The following CHD2 variants were observed in gnomAD, a reference collection of about 807,000 sequenced individuals.
The protein encoded by CHD2 is ATP-dependent chromatin remodeler CHD2.
A neutral mutation model predicts 243.9 loss-of-function variants in CHD2; 28 were observed. That is an observed-to-expected ratio of 0.11 (90% CI 0.09 to 0.16). The LOEUF (loss-of-function observed/expected upper bound fraction) is 0.16. Ranked by LOEUF, CHD2 falls within the 10% of genes least tolerant of loss-of-function variation. The pLI is 1.00. For synonymous variants in CHD2, 775 were observed against 779.0 expected (o/e 0.99, Z 0.09); for missense variants, 1,386 against 2,209.8 (o/e 0.63, Z 7.47).
chr15:92,959,832 T>C (rs4778062), intron 16 of CHD2, among the ~76,000 whole-genome samples: 34,563 of 152,214 alleles, frequency 0.23, 4,407 homozygotes, highest in Middle Eastern at 0.32. Flanking sequence ...AGTTCCATTT[T>C]CTTCTTTTTC....
At chr15:92,913,008 C>G (rs1050026287) in intron 2 of CHD2, among the ~76,000 whole-genome samples, 1 of 152,202 alleles carries the variant, frequency 6.6e-6, no homozygotes, top group African/African-American at 2.4e-5. Context: ...AAGTCTGTTC[C>G]CTCTGAATCT....
chr15:92,974,065 G>T (rs1290811885), intron 19 of CHD2: 1 of 152,212 alleles, frequency 6.6e-6, no homozygotes, highest in Non-Finnish European at 1.5e-5. Flanking sequence ...TCTGTAAAAT[G>T]AAGTATTTTG....
intron 37 of CHD2, among the ~76,000 whole-genome samples, chr15:93,015,827 A>G (rs2054452992): frequency 6.6e-6 from 1 of 152,242 alleles, no homozygotes; most frequent in Admixed American, 6.5e-5. Context: ...CACACTTGTT[A>G]GGATGGCTAG....
intron 7 of CHD2, among the ~76,000 whole-genome samples, chr15:92,940,820 T>A (rs1011503982): frequency 1.6e-3 from 222 of 140,868 alleles, no homozygotes; most frequent in African/African-American, 5.4e-3. Flanking sequence ...TAAATATATA[T>A]AAATATTATA....
chr15:93,012,557 G>T, intron 36 of CHD2, 113 bp downstream of exon 36: 1 of 647,490 alleles, frequency 1.5e-6, no homozygotes, highest in Admixed American at 3.5e-5. Context: ...GGTTATTGCT[G>T]GTGCTAATAG....
At chr15:92,923,973 G>C (rs751790270) in intron 2 of CHD2, among the ~76,000 whole-genome samples, 1 of 152,086 alleles carries the variant, frequency 6.6e-6, no homozygotes, top group African/African-American at 2.4e-5. Context: ...AAATCTTACT[G>C]TGTTAACTAG....
At chr15:93,008,020 G>C (rs1180400923) in intron 34 of CHD2, among the ~76,000 whole-genome samples, 1 of 152,224 alleles carries the variant, frequency 6.6e-6, no homozygotes, top group African/African-American at 2.4e-5. Context: ...TGAGCATGTG[G>C]GTGGTGGGGC....
intron 2 of CHD2, among the ~76,000 whole-genome samples, chr15:92,914,228 TTAA>T (rs1232839791): frequency 1.3e-5 from 2 of 152,240 alleles, no homozygotes; most frequent in East Asian, 3.8e-4. Context: ...TATTCTTTTG[TTAA>T]TGAATTCTGG....
rs184845905 is a variant in CHD2 at position 92,918,361 on chromosome 15, G to T, written c.63-5960G>T. On this transcript the variant is annotated intron_variant, in intron 2 of 38. Transcript: ENST00000394196. ...AGTTTTGACTTGTTTTTTTATCTGT[G>T]TGTTGTATTTTCCTTTTAATTATTT... 9.9e-5 allele frequency among the ~76,000 whole-genome samples: 15 copies of T among 152,150 alleles called. 1 individual carries two copies. Among genetic ancestry groups the T allele is most frequent in the Admixed American group, 5.2e-4 (8 of 15,294 alleles).
At chr15:92,916,017 T>C (rs374817497) in intron 2 of CHD2, among the ~76,000 whole-genome samples, 2 of 67,408 alleles carry the variant, frequency 3.0e-5, no homozygotes, top group Non-Finnish European at 6.4e-5. Context: ...CTCTACTCTC[T>C]TCTCACATGG....
At chr15:92,901,670 A>G (rs2052530399) in intron 2 of CHD2, 2 of 368,120 alleles carry the variant, frequency 5.4e-6, no homozygotes, top group Non-Finnish European at 4.8e-6. Flanking sequence ...TTTTACATAC[A>G]AGGCAAATTT....
At position 92,948,856 on chromosome 15, in the gene CHD2, T is replaced by G. The variant is rs80212944; in HGVS notation, c.1378-96T>G. On this transcript the variant is annotated intron_variant, in intron 12 of 38. Transcript: ENST00000394196. ...TCCGTCTCAAAAAAAGAAATTTGAG[T>G]TTTTATGCTTTGATGCCGAATATGT... 2,740 of 1,406,424 alleles carry G rather than the reference T, an allele frequency of 1.9e-3. 29 individuals are homozygous for G. The African/African-American group carries it at 0.029, about 15-fold the overall frequency. 87.1% of individuals were successfully genotyped at this position (1,406,424 alleles called of 1,614,324 possible).
At position 92,939,770 on chromosome 15, in the gene CHD2, G is replaced by T. The variant is rs781401296; in HGVS notation, c.692+52G>T. 2.5e-6 allele frequency: 4 copies of T among 1,575,678 alleles called. No individual in the cohort carries two copies. In the South Asian group the frequency reaches 4.6e-5, roughly 18 times the overall value. ...CTGGTGTGATGTGATAAAGTAGTTG[G>T]TTAGATTTTGGTTCTCATAAGTCCG... On this transcript the variant is annotated intron_variant, in intron 7 of 38. Transcript: ENST00000394196.
chr15:92,939,431 G>T, intron 6 of CHD2, 147 bp from the exon 7 acceptor site: 1 of 805,856 alleles, frequency 1.2e-6, no homozygotes, highest in Non-Finnish European at 1.9e-6. Context: ...TCAGGGAGTA[G>T]GGCCCAAGAA....
intron 2 of CHD2, among the ~76,000 whole-genome samples, chr15:92,903,562 T>G (rs2052560953): frequency 6.7e-6 from 1 of 149,736 alleles, no homozygotes; most frequent in South Asian, 2.2e-4. Context: ...TTTTTGAAAA[T>G]TAAAAACTTT....
At chr15:92,955,362 C>G in intron 14 of CHD2, 61 bp from the exon 15 acceptor site, 1 of 992,318 alleles carries the variant, frequency 1.0e-6, no homozygotes, top group South Asian at 1.7e-5. Flanking sequence ...AATCACAAAA[C>G]TTATGTGATA....
chr15:93,024,971 GCTGA>G lies in CHD2; in HGVS notation c.*270_*273del. 2.3e-6 allele frequency: 1 copy of G among 440,308 alleles called. No homozygotes were observed. The highest frequency in any genetic ancestry group is 4.1e-6 in the Non-Finnish European group (1 of 246,786). The allele number at this position is 440,308 out of a possible 1,614,324, so 27.3% of individuals were successfully genotyped here. ...ACTTTGACGGGCACTTGGAGGAGGA[GCTGA>G]CTGTGTGTGTACCAGCTTCACTGGG... On this transcript the variant is annotated 3_prime_UTR_variant, in exon 39 of 39. Transcript: ENST00000394196.
At chr15:92,916,620 C>T (rs2052841836) in intron 2 of CHD2, among the ~76,000 whole-genome samples, 1 of 152,150 alleles carries the variant, frequency 6.6e-6, no homozygotes, top group African/African-American at 2.4e-5. Context: ...ATGGTGCAAC[C>T]TCAGTTCACT....
At chr15:92,914,718 A>C (rs2052802119) in intron 2 of CHD2, among the ~76,000 whole-genome samples, 1 of 152,196 alleles carries the variant, frequency 6.6e-6, no homozygotes, top group East Asian at 1.9e-4. Context: ...TGCTGTCAAA[A>C]GACAACATTT....
Sources: allele counts gnomAD v4.1 joint callset (sites outside exome capture counted in the v4.1 genomes callset), GRCh38; gene constraint gnomAD v4.1.1; transcripts MANE v1.5; gene names NCBI Gene and HGNC (gene_info 2026-07-23, HGNC 2026-07-21).